DNM1L: variants seen among roughly 807,000 people sequenced by gnomAD.
DNM1L encodes dynamin-1-like protein.
In DNM1L, 33 loss-of-function variants were observed where a neutral mutation model predicts 92.8. That is an observed-to-expected ratio of 0.36 (90% confidence interval 0.27 to 0.48). The LOEUF is 0.48. DNM1L is among the 20% of genes least tolerant of loss of function. DNM1L has a pLI of 0.99. For missense variants in DNM1L, 485 were observed against 888.8 expected, an observed-to-expected ratio of 0.55 and a Z score of 5.78; for synonymous variants, 284 against 305.0, an observed-to-expected ratio of 0.93 and a Z score of 0.72.
rs746765635 is a variant in DNM1L, at chr12:32,701,477, T to C, written c.165T>C (p.Thr55=). Residue 55 remains threonine, a synonymous_variant, in exon 2 of 20, where the codon ACT becomes ACC. Coordinates refer to ENST00000549701, the MANE Select transcript of DNM1L (RefSeq NM_012062.5). The part of the protein sequence containing the change: ...LVGRDLLPRG[T]GIVTRRPLIL... Reference sequence around the variant, plus strand: ...GGAGGGACCTGCTTCCCAGAGGTACTGGAATTGTCACCCGGAGACCTCTCA... The same window carrying C: ...GGAGGGACCTGCTTCCCAGAGGTACCGGAATTGTCACCCGGAGACCTCTCA... The C allele has an allele frequency of 1.2e-6, 2 of 1,613,810 alleles. No individual in the cohort carries two copies. Among genetic ancestry groups the C allele is most frequent in the East Asian group, 4.5e-5 (2 of 44,862 alleles).
Position 32,722,613 on chromosome 12 carries a change from A to G in DNM1L, c.1059A>G (p.Lys353=). 6.2e-7 allele frequency: 1 copy of G among 1,612,562 alleles called. No individual in the cohort carries two copies. Among genetic ancestry groups the G allele is most frequent in the Non-Finnish European group, 8.5e-7 (1 of 1,179,912 alleles). The stretch of plus-strand genomic sequence containing the variant: ...GTAACACTATTGAAGGAACTGCAAA[A>G]TATATTGAAACTTCGGAGCTGTAAG... The part of the protein sequence containing the change: ...EYCNTIEGTA[K]YIETSELCGG... Residue 353 remains lysine (K), a synonymous_variant, in exon 9 of 20, where the codon AAA becomes AAG. Transcript: ENST00000549701.
chr12:32,714,270 ATTT>A (rs764641583), intron 6 of DNM1L, among the ~76,000 whole-genome samples: 40 of 134,594 alleles, frequency 3.0e-4, no homozygotes, highest in South Asian at 9.5e-4. Flanking sequence ...CACTTTAACA[ATTT>A]TTTTTTTTTT....
intron 17 of DNM1L, 73 bp from the exon 18 acceptor site, chr12:32,740,336 A>G (rs566911635): frequency 3.7e-6 from 6 of 1,610,508 alleles, no homozygotes; most frequent in South Asian, 2.2e-5. Flanking sequence ...AAAAACTTAC[A>G]TAACTTTCAG....
chr12:32,688,638 G>A (rs1436190588), intron 1 of DNM1L, among the ~76,000 whole-genome samples: 1 of 152,174 alleles, frequency 6.6e-6, no homozygotes. Flanking sequence ...TTATCTCAAT[G>A]TGTGTATTTC....
chr12:32,686,302 C>T (rs1174272122), intron 1 of DNM1L, among the ~76,000 whole-genome samples: 1 of 152,150 alleles, frequency 6.6e-6, no homozygotes, highest in African/African-American at 2.4e-5. Context: ...CCACCTCGAC[C>T]TCCCAAAGTG....
At chr12:32,726,516 G>T in intron 9 of DNM1L, 1 of 1,064,928 alleles carries the variant, frequency 9.4e-7, no homozygotes, top group Non-Finnish European at 1.5e-6. Flanking sequence ...ATCTTCAGTA[G>T]CTTCTCCAGT....
chr12:32,706,980 C>T (rs970696028), intron 2 of DNM1L: 14 of 205,304 alleles, frequency 6.8e-5, no homozygotes, highest in African/African-American at 1.2e-4. Context: ...ACTTTATTTT[C>T]GTCAGAAAAC....
rs769451515 is a variant in DNM1L, at chr12:32,722,544, T to C, written c.990T>C (p.Ser330=). ...NSYGEPVDDK[S]ATLLQLITKF... ...ACGGTGAACCCGTGGATGATAAAAG[T>C]GCTACTTTACTCCAACTTATTACCA... The change falls in exon 9 of 20, where the codon AGT becomes AGC. Residue 330 remains serine (S), a synonymous_variant. Coordinates refer to ENST00000549701, the MANE Select transcript of DNM1L (RefSeq NM_012062.5). The C allele has an allele frequency of 1.2e-6, 2 of 1,613,480 alleles. No individual in the cohort carries two copies. The highest frequency in any genetic ancestry group is 1.7e-6 in the Non-Finnish European group (2 of 1,179,956).
At chr12:32,690,741 A>C (rs1478164214) in intron 1 of DNM1L, among the ~76,000 whole-genome samples, 1 of 152,212 alleles carries the variant, frequency 6.6e-6, no homozygotes, top group East Asian at 1.9e-4. Flanking sequence ...TGGTAGTAGC[A>C]ATGTAGTATG....
intron 6 of DNM1L, among the ~76,000 whole-genome samples, chr12:32,713,807 CTGTT>C (rs1226925583): frequency 6.6e-6 from 1 of 151,920 alleles, no homozygotes; most frequent in Non-Finnish European, 1.5e-5. Context: ...TAGACTCTGT[CTGTT>C]AAAAAAAACC....
rs1951720881 is a variant in DNM1L at position 32,679,535 on chromosome 12, C to T, written c.102+70C>T. On this transcript the variant is annotated intron_variant, in intron 1 of 19. Transcript: ENST00000549701. ...AGGCCTGGTCGGTGCTGCGGCAGTG[C>T]CCACTCCCGCGCCAGCGCCCACTCC... is the stretch of plus-strand genomic sequence containing the variant. 6 of 1,452,392 alleles carry T rather than the reference C, an allele frequency of 4.1e-6. No individual in the cohort carries two copies. In the Admixed American group the frequency reaches 1.1e-4, roughly 26 times the overall value. 90.0% of individuals were successfully genotyped at this position (1,452,392 alleles called of 1,614,324 possible). A position where few individuals can be genotyped will look rare whatever the true frequency, so the allele number is the denominator to read the frequency against.
chr12:32,700,433 C>T (rs1172468477), intron 1 of DNM1L, among the ~76,000 whole-genome samples: 2 of 150,246 alleles, frequency 1.3e-5, no homozygotes, highest in East Asian at 2.0e-4. Flanking sequence ...GAACAATATC[C>T]CTGATTATTA....
In DNM1L at chr12:32,701,467, C is replaced by G. The variant is rs1337368786; in HGVS notation, c.155C>G (p.Pro52Arg). The G allele has an allele frequency of 6.2e-7, 1 of 1,613,754 alleles. No individual in the cohort carries two copies. Among genetic ancestry groups the G allele is most frequent in the Non-Finnish European group, 8.5e-7 (1 of 1,179,748 alleles). Residue 52 changes from proline (P) to arginine (R), a missense_variant, in exon 2 of 20, where the codon CCC (proline) becomes CGC (arginine). Pro to Arg is a moderately radical substitution (Grantham distance 103). Transcript: ENST00000549701. ...AGCCTGGTGGGGAGGGACCTGCTTCCCAGAGGTACTGGAATTGTCACCCGG... is the reference window on the plus strand; with the variant it reads ...AGCCTGGTGGGGAGGGACCTGCTTCGCAGAGGTACTGGAATTGTCACCCGG... ...LESLVGRDLLPRGTGIVTRRP... is the reference protein window; with the variant it reads ...LESLVGRDLLRRGTGIVTRRP...
At chr12:32,719,850 G>T (rs1436587837) in intron 7 of DNM1L, among the ~76,000 whole-genome samples, 1 of 152,082 alleles carries the variant, frequency 6.6e-6, no homozygotes, top group Non-Finnish European at 1.5e-5. Context: ...GAAACCTCAG[G>T]TTATACATTT....
chr12:32,688,095 T>C (rs1324048627), intron 1 of DNM1L, among the ~76,000 whole-genome samples: 1 of 152,038 alleles, frequency 6.6e-6, no homozygotes, highest in African/African-American at 2.4e-5. Context: ...TGGCTAATAT[T>C]TGTTTTTTTA....
rs1340287840 is a variant in DNM1L, at chr12:32,717,413, ATTT to A, written c.620-1228_620-1226del. Among the ~76,000 whole-genome samples the A allele has an allele frequency of 1.2e-3, 55 of 47,696 alleles. 2 individuals are homozygous for A. Among genetic ancestry groups the A allele is most frequent in the South Asian group, 6.3e-3 (17 of 2,706 alleles). 31.3% of individuals were successfully genotyped at this position (47,696 alleles called of 152,430 possible). ...ATAGTATATATAATATATAATATAT[ATTT>A]TAAATATATACTATATATATTTTAA... On this transcript the variant is annotated intron_variant, in intron 6 of 19. Transcript: ENST00000549701.
At position 32,745,034 on chromosome 12, in the gene DNM1L, T is replaced by C. The variant is rs200435287; in HGVS notation, c.*1624T>C. 66 of 513,040 alleles carry C rather than the reference T, an allele frequency of 1.3e-4. No homozygotes were observed. The highest frequency in any genetic ancestry group is 1.4e-4 in the Non-Finnish European group (35 of 258,170). The allele number at this position is 513,040 out of a possible 1,614,324, so 31.8% of individuals were successfully genotyped here. On this transcript the variant is annotated 3_prime_UTR_variant, in exon 20 of 20. Coordinates refer to ENST00000549701, the MANE Select transcript of DNM1L (RefSeq NM_012062.5). ...TGTTAACTTTAGCTTATGGCATCAA[T>C]TTACTAAGGAACAACAGGCTCACCA...
At chr12:32,717,571 T>C (rs1415002667) in intron 6 of DNM1L, among the ~76,000 whole-genome samples, 6 of 120,266 alleles carry the variant, frequency 5.0e-5, no homozygotes, top group Non-Finnish European at 8.2e-5. Flanking sequence ...GTTACAAATA[T>C]ATATACCTAG....
intron 1 of DNM1L, among the ~76,000 whole-genome samples, chr12:32,695,219 T>TAA: frequency 6.6e-6 from 1 of 152,190 alleles, no homozygotes; most frequent in South Asian, 2.1e-4. Context: ...GCAGAGTAGC[T>TAA]ATTCAGAGCC....
Sources: allele counts gnomAD v4.1 joint callset (sites outside exome capture counted in the v4.1 genomes callset), GRCh38; gene constraint gnomAD v4.1.1; transcripts MANE v1.5; gene names NCBI Gene and HGNC (gene_info 2026-07-23, HGNC 2026-07-21).